Variants in PDZD2 observed in about 807,000 individuals in gnomAD.
The protein encoded by PDZD2 is PDZ domain containing 2.
In PDZD2, 90 loss-of-function variants were observed where a neutral mutation model predicts 220.7. The ratio of observed to expected loss-of-function variants is 0.41; its 90% CI spans 0.34 to 0.49. The LOEUF (loss-of-function observed/expected upper bound fraction) is 0.49. Among genes scored for constraint, PDZD2 ranks in the 20% least tolerant of loss-of-function variants. The pLI is 0.28. For missense variants in PDZD2, 3,174 were observed against 3,608.5 expected, an observed-to-expected ratio of 0.88 and a Z score of 3.08; for synonymous variants, 1,375 against 1,450.5, an observed-to-expected ratio of 0.95 and a Z score of 1.18.
intron 1 of PDZD2, among the ~76,000 whole-genome samples, chr5:31,793,413 C>T (rs913505213): frequency 6.6e-6 from 1 of 152,170 alleles, no homozygotes; most frequent in Non-Finnish European, 1.5e-5. Flanking sequence ...GTTCCCTCTG[C>T]CCAGAACAAC....
Position 32,088,056 on chromosome 5 carries a change from C to A in PDZD2, c.4608C>A (p.Ser1536=), listed in dbSNP as rs144735483. Residue 1536 remains serine (S), a synonymous_variant, in exon 20 of 25, where the codon TCC becomes TCA. Coordinates refer to ENST00000438447, the MANE Select transcript of PDZD2 (RefSeq NM_178140.4). This position sits in a 1 kb window ranked among gnomAD's most constrained non-coding sequence, Gnocchi z 4.6. The part of the protein sequence containing the change: ...NFSSFHEDST[S]LSGLGDSTEP... ...GCAGTTTTCATGAAGACAGCACCTC[C>A]CTATCAGGCCTGGGTGACAGCACGG... The A allele has an allele frequency of 6.2e-7, 1 of 1,614,036 alleles. No individual in the cohort carries two copies. The highest frequency in any genetic ancestry group is 8.5e-7 in the Non-Finnish European group (1 of 1,179,884).
At chr5:31,762,330 C>T (rs1015705887) in intron 1 of PDZD2, among the ~76,000 whole-genome samples, 7 of 152,246 alleles carry the variant, frequency 4.6e-5, no homozygotes, top group Non-Finnish European at 7.3e-5. Context: ...GTAGCCCAGG[C>T]TGGAGTGAGT....
At chr5:31,878,809 C>G (rs921683987) in intron 2 of PDZD2, among the ~76,000 whole-genome samples, 2 of 151,448 alleles carry the variant, frequency 1.3e-5, no homozygotes, top group African/African-American at 4.8e-5. Flanking sequence ...GATCCGCCTG[C>G]CTCGGCCTCC....
At chr5:31,738,124 C>G (rs963297592) in intron 1 of PDZD2, 1 of 152,190 alleles carries the variant, frequency 6.6e-6, no homozygotes, top group Non-Finnish European at 1.5e-5. Flanking sequence ...GAATTTTTCC[C>G]AGAATCGTTT....
intron 7 of PDZD2, among the ~76,000 whole-genome samples, chr5:32,038,545 AAAAC>A (rs1183643239): frequency 6.6e-6 from 1 of 151,964 alleles, no homozygotes; most frequent in Non-Finnish European, 1.5e-5. Context: ...AAAATAACAA[AAAAC>A]AAAAAAACAA....
At chr5:31,973,671 A>G (rs568474744) in intron 2 of PDZD2, among the ~76,000 whole-genome samples, 5 of 148,848 alleles carry the variant, frequency 3.4e-5, no homozygotes, top group African/African-American at 1.3e-4. Context: ...AGAGTAAAAT[A>G]TCTATCTCTT....
At chr5:31,708,945 T>C (rs962105482) in intron 1 of PDZD2, among the ~76,000 whole-genome samples, 21 of 150,722 alleles carry the variant, frequency 1.4e-4, no homozygotes, top group Non-Finnish European at 2.7e-4. Flanking sequence ...TGGAGAGGAG[T>C]GGTGTAGTCT....
At chr5:31,886,901 A>G (rs917546950) in intron 2 of PDZD2, among the ~76,000 whole-genome samples, 18 of 151,898 alleles carry the variant, frequency 1.2e-4, no homozygotes, top group Non-Finnish European at 2.4e-4. Context: ...GTTTCACCAC[A>G]TTGGCCAGGC....
chr5:31,782,969 C>T (rs748323500), intron 1 of PDZD2, among the ~76,000 whole-genome samples: 74 of 152,158 alleles, frequency 4.9e-4, no homozygotes, highest in Non-Finnish European at 7.2e-4. Context: ...CTGCCTCAGC[C>T]CCACAAAGTG....
At chr5:31,827,308 G>A (rs551752088) in intron 2 of PDZD2, among the ~76,000 whole-genome samples, 59 of 152,192 alleles carry the variant, frequency 3.9e-4, no homozygotes, top group Non-Finnish European at 6.3e-4. Context: ...GCCTTTATCC[G>A]TGCCTTGGAA....
intron 2 of PDZD2, among the ~76,000 whole-genome samples, chr5:31,928,403 C>G (rs1290303915): frequency 2.6e-5 from 4 of 152,136 alleles, no homozygotes. Context: ...GCATCTCCTT[C>G]TTTCATAGAG....
In PDZD2 at chr5:32,086,642, A is replaced by C. The variant is rs143336648; in HGVS notation, c.3683-489A>C. On this transcript the variant is annotated intron_variant, in intron 19 of 24. Coordinates refer to ENST00000438447, the MANE Select transcript of PDZD2 (RefSeq NM_178140.4). ...AACCAGGAAGACAAGAAGGGCCTCCATTTAGGCCACAGAACGCCGTTTTGT... is the reference window on the plus strand; with the variant it reads ...AACCAGGAAGACAAGAAGGGCCTCCCTTTAGGCCACAGAACGCCGTTTTGT... Among the ~76,000 whole-genome samples the C allele has an allele frequency of 2.8e-3, 424 of 151,690 alleles. 2 individuals are homozygous for C. Among genetic ancestry groups the C allele is most frequent in the African/African-American group, 1.0e-2 (413 of 41,374 alleles).
At chr5:31,878,584 CG>C (rs1398868538) in intron 2 of PDZD2, among the ~76,000 whole-genome samples, 1 of 23,044 alleles carries the variant, frequency 4.3e-5, no homozygotes, top group African/African-American at 1.1e-4. Context: ...TTTTTTGAGA[CG>C]GAGTCTCGCT....
chr5:31,825,887 G>A (rs1756177707), intron 2 of PDZD2, among the ~76,000 whole-genome samples: 1 of 152,102 alleles, frequency 6.6e-6, no homozygotes, highest in African/African-American at 2.4e-5. Context: ...TTTCGAGCAT[G>A]GTTACTTGTT....
At chr5:32,025,590 G>GTTTTTTTTTTT (rs1754582025) in intron 6 of PDZD2, among the ~76,000 whole-genome samples, 1 of 67,654 alleles carries the variant, frequency 1.5e-5, no homozygotes, top group African/African-American at 7.0e-5. Flanking sequence ...TAACCATGAT[G>GTTTTTTTTTTT]CTTTTTTTTT....
intron 2 of PDZD2, among the ~76,000 whole-genome samples, chr5:31,890,247 G>A (rs1431786448): frequency 2.7e-5 from 4 of 148,834 alleles, no homozygotes; most frequent in East Asian, 4.0e-4. Context: ...TGGCCAATAC[G>A]GCAGCCACTA....
At chr5:32,078,808 G>GA (rs35649688) in intron 19 of PDZD2, among the ~76,000 whole-genome samples, 4,811 of 144,492 alleles carry the variant, frequency 0.033, 205 homozygotes, top group African/African-American at 0.096. Flanking sequence ...CAATCTCTGG[G>GA]AAAAAAAAAA....
At position 31,948,684 on chromosome 5, in the gene PDZD2, G is replaced by T. The variant is rs76128169; in HGVS notation, c.477-34471G>T. Among the ~76,000 whole-genome samples the T allele has an allele frequency of 9.1e-3, 1,387 of 152,286 alleles. 16 individuals carry two copies. Among genetic ancestry groups the T allele is most frequent in the African/African-American group, 0.033 (1,355 of 41,540 alleles). On this transcript the variant is annotated intron_variant, in intron 2 of 24. Coordinates refer to ENST00000438447, the MANE Select transcript of PDZD2 (RefSeq NM_178140.4). Reference sequence around the variant, plus strand: ...TAATAAAAGGAGTATGTGATTTAATGATATGATGTAAATGGCCTGTGCTTC... The same window carrying T: ...TAATAAAAGGAGTATGTGATTTAATTATATGATGTAAATGGCCTGTGCTTC...
chr5:31,850,415 C>G (rs1030726375), intron 2 of PDZD2, among the ~76,000 whole-genome samples: 2 of 151,380 alleles, frequency 1.3e-5, no homozygotes, highest in Non-Finnish European at 2.9e-5. Context: ...GGTTCAGGAT[C>G]TTTACTCCCA....
Sources: gnomAD v4.1 joint callset for allele counts (sites outside exome capture counted in the v4.1 genomes callset) on GRCh38, gnomAD v4.1.1 for gene constraint, Gnocchi (gnomAD v3.1) non-coding constraint, MANE v1.5 for transcripts, NCBI Gene and HGNC (gene_info 2026-07-23, HGNC 2026-07-21) for gene names.